The following KCNAB1 variants were observed in gnomAD, a reference collection of about 807,000 sequenced individuals.
KCNAB1 encodes the protein voltage-gated potassium channel subunit beta-1.
KCNAB1 carries 35 observed loss-of-function variants against 64.6 expected under a neutral mutation model. The ratio of observed to expected loss-of-function variants is 0.54; its 90% CI spans 0.41 to 0.72. KCNAB1 has a LOEUF of 0.72. Among genes scored for constraint, KCNAB1 ranks in the 30% least tolerant of loss-of-function variants. The pLI is 0.00. For missense variants in KCNAB1, 401 were observed against 512.9 expected (o/e 0.78, Z 2.11); for synonymous variants, 177 against 183.8 (o/e 0.96, Z 0.30).
chr3:156,440,500 C>T (rs1716914527), intron 2 of KCNAB1, among the ~76,000 whole-genome samples: 1 of 152,200 alleles, frequency 6.6e-6, no homozygotes, highest in African/African-American at 2.4e-5. Flanking sequence ...GAGAATGACT[C>T]TGTAGAATTT....
intron 1 of KCNAB1, among the ~76,000 whole-genome samples, chr3:156,140,042 A>G (rs527981459): frequency 6.6e-6 from 1 of 152,260 alleles, no homozygotes; most frequent in Admixed American, 6.5e-5. Context: ...TTTTCTCATT[A>G]TCTAAAAAGA....
At chr3:156,462,000 A>G (rs1426411855) in intron 5 of KCNAB1, among the ~76,000 whole-genome samples, 3 of 152,228 alleles carry the variant, frequency 2.0e-5, no homozygotes, top group Non-Finnish European at 4.4e-5. Context: ...AGGACAAGTT[A>G]TTACACCTCT....
intron 2 of KCNAB1, among the ~76,000 whole-genome samples, chr3:156,442,224 A>G (rs1297547070): frequency 6.6e-6 from 1 of 152,168 alleles, no homozygotes; most frequent in Non-Finnish European, 1.5e-5. Flanking sequence ...AGAGTAGGTC[A>G]TTGTTTCTAG....
chr3:156,153,159 C>T (rs960487763), intron 1 of KCNAB1, among the ~76,000 whole-genome samples: 1 of 152,122 alleles, frequency 6.6e-6, no homozygotes, highest in Non-Finnish European at 1.5e-5. Context: ...GGAGGACAAG[C>T]CGCTGGATAT....
intron 8 of KCNAB1, among the ~76,000 whole-genome samples, chr3:156,495,252 G>A (rs538064028): frequency 6.6e-6 from 1 of 152,186 alleles, no homozygotes; most frequent in South Asian, 2.1e-4. Context: ...AGGTTGTGAA[G>A]AAAAAGGAAT....
chr3:156,240,866 C>T (rs942184797), intron 1 of KCNAB1, among the ~76,000 whole-genome samples: 5 of 152,066 alleles, frequency 3.3e-5, no homozygotes, highest in East Asian at 1.9e-4. Context: ...AAGTGATAAG[C>T]GGAAGAAAAG....
intron 1 of KCNAB1, among the ~76,000 whole-genome samples, chr3:156,300,082 T>G (rs562987480): frequency 6.6e-6 from 1 of 152,290 alleles, no homozygotes; most frequent in Admixed American, 6.5e-5. Context: ...AGGAGGCACG[T>G]GTGGCATACA....
intron 1 of KCNAB1, among the ~76,000 whole-genome samples, chr3:156,289,066 C>T (rs1017042943): frequency 3.3e-5 from 5 of 152,222 alleles, no homozygotes; most frequent in Non-Finnish European, 7.3e-5. Context: ...AGGCACTCTG[C>T]CTTGCATGTT....
intron 1 of KCNAB1, among the ~76,000 whole-genome samples, chr3:156,400,184 T>G (rs1011820894): frequency 1.3e-5 from 2 of 152,248 alleles, no homozygotes; most frequent in African/African-American, 4.8e-5. Flanking sequence ...AAAAGTTTGA[T>G]GTTAATGCTT....
chr3:156,249,882 A>G (rs949583514), intron 1 of KCNAB1, among the ~76,000 whole-genome samples: 1 of 152,244 alleles, frequency 6.6e-6, no homozygotes, highest in Non-Finnish European at 1.5e-5. Flanking sequence ...CTTTGGGGAT[A>G]TCTTCTTCAG....
At chr3:156,353,737 A>G (rs565511339) in intron 1 of KCNAB1, among the ~76,000 whole-genome samples, 56 of 152,190 alleles carry the variant, frequency 3.7e-4, no homozygotes, top group Non-Finnish European at 7.2e-4. Context: ...GGAGCAGTTC[A>G]CAACAGGGAG....
At chr3:156,404,104 T>G (rs1243746618) in intron 1 of KCNAB1, among the ~76,000 whole-genome samples, 1 of 152,192 alleles carries the variant, frequency 6.6e-6, no homozygotes, top group Non-Finnish European at 1.5e-5. Context: ...GCAAGAGATT[T>G]CCCCTGTAAA....
intron 1 of KCNAB1, among the ~76,000 whole-genome samples, chr3:156,182,183 A>C (rs1174135144): frequency 6.6e-6 from 1 of 152,298 alleles, no homozygotes; most frequent in East Asian, 1.9e-4. Context: ...TCATAAGTCT[A>C]ATACCTTCTG....
chr3:156,422,647 G>A (rs1027408263), intron 2 of KCNAB1, among the ~76,000 whole-genome samples: 1 of 152,194 alleles, frequency 6.6e-6, no homozygotes, highest in Non-Finnish European at 1.5e-5. Flanking sequence ...AAATTGTCAA[G>A]TATGCAAATA....
rs192689742 is a variant in KCNAB1, at chr3:156,375,632, G to A, written c.276-45984G>A. Among the ~76,000 whole-genome samples, 6 of 135,206 alleles carry A rather than the reference G, an allele frequency of 4.4e-5. 1 individual carries two copies. The highest frequency in any genetic ancestry group is 2.8e-4 in the Admixed American group (4 of 14,418). The allele number at this position is 135,206 out of a possible 152,430, so 88.7% of individuals were successfully genotyped here. ...ACATGTGCATGTGTGTGTTGTCCAG[G>A]GAAAGTCTCTCAAAGGAAGGAATAC... On this transcript the variant is annotated intron_variant, in intron 1 of 13. Transcript: ENST00000490337.
intron 1 of KCNAB1, among the ~76,000 whole-genome samples, chr3:156,332,386 C>T (rs1723398696): frequency 6.6e-6 from 1 of 152,086 alleles, no homozygotes; most frequent in African/African-American, 2.4e-5. Context: ...AAGTGAAATC[C>T]TTTATACTCT....
intron 1 of KCNAB1, among the ~76,000 whole-genome samples, chr3:156,354,119 T>G (rs1335885892): frequency 2.8e-5 from 3 of 109,076 alleles, no homozygotes; most frequent in Non-Finnish European, 5.7e-5. Flanking sequence ...TATGTGTGTG[T>G]GTATATATAT....
intron 1 of KCNAB1, among the ~76,000 whole-genome samples, chr3:156,373,269 C>T (rs891072685): frequency 2.0e-5 from 3 of 152,120 alleles, no homozygotes; most frequent in African/African-American, 2.4e-5. Context: ...CAATTACAGC[C>T]GGGCCAGGGA....
chr3:156,346,303 G>A (rs1325994540), intron 1 of KCNAB1, among the ~76,000 whole-genome samples: 1 of 152,116 alleles, frequency 6.6e-6, no homozygotes, highest in Non-Finnish European at 1.5e-5. Context: ...AATGTAATTT[G>A]TATGTATGAA....
Sources: gnomAD v4.1 joint callset for allele counts (sites outside exome capture counted in the v4.1 genomes callset) on GRCh38, gnomAD v4.1.1 for gene constraint, MANE v1.5 for transcripts, NCBI Gene and HGNC (gene_info 2026-07-23, HGNC 2026-07-21) for gene names.